Variants in CSMD1 observed in about 807,000 individuals in gnomAD.
CSMD1 encodes CUB and Sushi multiple domains 1, also known as CUB and sushi domain-containing protein 1.
CSMD1 carries 213 observed loss-of-function variants against 417.5 expected under a neutral mutation model. The ratio of observed to expected loss-of-function variants is 0.51; its 90% CI spans 0.46 to 0.57. The LOEUF is 0.57. CSMD1 is among the 20% of genes least tolerant of loss of function. The probability of loss-of-function intolerance (pLI) is 0.00; values close to 1 mark genes in which losing one functional copy is unlikely to be tolerated. For missense variants in CSMD1, 6,923 were observed against 4,529.7 expected, an observed-to-expected ratio of 1.53 and a Z score of -15.17; for synonymous variants, 2,862 against 1,736.8, an observed-to-expected ratio of 1.65 and a Z score of -16.11.
At chr8:4,381,443 G>A (rs765191167) in intron 3 of CSMD1, among the ~76,000 whole-genome samples, 2 of 152,146 alleles carry the variant, frequency 1.3e-5, no homozygotes, top group African/African-American at 4.8e-5. Context: ...AAAGGGGGTG[G>A]GGGCTGGTGC....
At chr8:4,288,340 A>C (rs1420130320) in intron 3 of CSMD1, among the ~76,000 whole-genome samples, 1 of 152,182 alleles carries the variant, frequency 6.6e-6, no homozygotes, top group Middle Eastern at 3.4e-3. Context: ...TCACCCTTCA[A>C]TTTTCTTAAG....
intron 26 of CSMD1, among the ~76,000 whole-genome samples, chr8:3,242,750 T>C (rs568549672): frequency 4.0e-5 from 6 of 148,982 alleles, no homozygotes; most frequent in South Asian, 2.1e-4. Flanking sequence ...AGTAGAGACA[T>C]GGAGGGAAGG....
intron 7 of CSMD1, chr8:3,702,412 AG>A (rs1226633060): frequency 1.3e-5 from 2 of 152,214 alleles, no homozygotes; most frequent in Admixed American, 1.3e-4. Context: ...TTTTGGAGTT[AG>A]AAGGGCATCC....
At chr8:4,458,295 C>G (rs546013993) in intron 2 of CSMD1, among the ~76,000 whole-genome samples, 1 of 152,006 alleles carries the variant, frequency 6.6e-6, no homozygotes, top group East Asian at 1.9e-4. Flanking sequence ...ATATCTTTCT[C>G]CCTCTTTTTT....
At chr8:4,005,187 T>G (rs186713938) in intron 4 of CSMD1, among the ~76,000 whole-genome samples, 1 of 152,092 alleles carries the variant, frequency 6.6e-6, no homozygotes. Context: ...TATGATGCAG[T>G]GCATACTGCA....
chr8:3,712,322 C>G (rs556133903), intron 6 of CSMD1, among the ~76,000 whole-genome samples: 60 of 152,094 alleles, frequency 3.9e-4, no homozygotes, highest in African/African-American at 1.4e-3. Flanking sequence ...TCGCCTCTTC[C>G]TCCCTCCAAC....
chr8:3,060,151 CTTTTT>C (rs34354746), intron 49 of CSMD1, among the ~76,000 whole-genome samples: 3 of 140,080 alleles, frequency 2.1e-5, no homozygotes, highest in Non-Finnish European at 4.6e-5. Context: ...TTACTAACAA[CTTTTT>C]TTTTTTTTTT....
chr8:4,733,011 C>A (rs1269325987), intron 1 of CSMD1, among the ~76,000 whole-genome samples: 1 of 136,426 alleles, frequency 7.3e-6, no homozygotes, highest in Non-Finnish European at 1.6e-5. Context: ...CTTTCATTTG[C>A]ACGGTTTCTT....
chr8:3,734,265 A>G (rs574972367), intron 6 of CSMD1, among the ~76,000 whole-genome samples: 2 of 152,324 alleles, frequency 1.3e-5, no homozygotes, highest in South Asian at 4.1e-4. Flanking sequence ...TCCATGTTTC[A>G]TCTCCCAGTG....
intron 3 of CSMD1, among the ~76,000 whole-genome samples, chr8:4,317,992 A>G (rs932746208): frequency 2.0e-5 from 3 of 152,188 alleles, no homozygotes; most frequent in Non-Finnish European, 4.4e-5. Flanking sequence ...TTGAATAAAT[A>G]TTTGGATATA....
chr8:3,382,507 T>TTATATATATATATATTTATATAAA (rs1554532554), intron 18 of CSMD1, among the ~76,000 whole-genome samples: 2 of 131,610 alleles, frequency 1.5e-5, no homozygotes, highest in Admixed American at 8.5e-5. Context: ...GTATATAAAT[T>TTATATATATATATATTTATATAAA]TATATATATA....
intron 3 of CSMD1, among the ~76,000 whole-genome samples, chr8:4,157,148 G>A (rs927003370): frequency 6.6e-6 from 1 of 152,074 alleles, no homozygotes; most frequent in Admixed American, 6.5e-5. Context: ...ATTTTTAAGT[G>A]GTAGAAGAAA....
intron 3 of CSMD1, among the ~76,000 whole-genome samples, chr8:4,337,935 G>A (rs1432720695): frequency 1.3e-5 from 2 of 152,084 alleles, no homozygotes; most frequent in South Asian, 4.1e-4. Flanking sequence ...ATCATTTAAT[G>A]ATATCGCATT....
chr8:3,606,055 A>G (rs1429253530), intron 8 of CSMD1, among the ~76,000 whole-genome samples: 1 of 152,192 alleles, frequency 6.6e-6, no homozygotes, highest in Non-Finnish European at 1.5e-5. Flanking sequence ...TAATGAGATG[A>G]TAGTAACATA....
chr8:3,280,726 GTAA>G (rs10535459), intron 26 of CSMD1, among the ~76,000 whole-genome samples: 114,001 of 151,758 alleles, frequency 0.75, 43,185 homozygotes, highest in Admixed American at 0.84. Context: ...GTAAAAAATA[GTAA>G]TTGTCATTTC....
At chr8:3,924,958 C>T (rs1809547391) in intron 5 of CSMD1, among the ~76,000 whole-genome samples, 1 of 152,058 alleles carries the variant, frequency 6.6e-6, no homozygotes, top group Admixed American at 6.6e-5. Flanking sequence ...TTCTGCATTG[C>T]TTTCTTAGCA....
intron 3 of CSMD1, among the ~76,000 whole-genome samples, chr8:4,264,352 A>G (rs1804094444): frequency 6.6e-6 from 1 of 152,230 alleles, no homozygotes; most frequent in Non-Finnish European, 1.5e-5. Context: ...TCAGAATAAG[A>G]GCTCCTGTCT....
At position 4,461,833 on chromosome 8, in the gene CSMD1, G is replaced by C. The variant is rs544209903; in HGVS notation, c.303-41768C>G. Reference sequence around the variant, plus strand: ...TCAGCTCACTGCAAGCTCCACCTACGGGGTTCCCGCCATTCTCCTGCCTCA... The same window carrying C: ...TCAGCTCACTGCAAGCTCCACCTACCGGGTTCCCGCCATTCTCCTGCCTCA... On this transcript the variant is annotated intron_variant, in intron 2 of 69. Transcript: ENST00000635120. Among the ~76,000 whole-genome samples the C allele has an allele frequency of 4.0e-4, 60 of 148,898 alleles. 2 individuals are homozygous for C. In the South Asian group the frequency reaches 9.3e-3, roughly 23 times the overall value.
intron 5 of CSMD1, among the ~76,000 whole-genome samples, chr8:3,870,464 A>T (rs1805406845): frequency 6.6e-6 from 1 of 152,146 alleles, no homozygotes; most frequent in South Asian, 2.1e-4. Flanking sequence ...TTTCTCTCAA[A>T]GAAATTATTA....
Sources: allele counts gnomAD v4.1 joint callset (sites outside exome capture counted in the v4.1 genomes callset), GRCh38; gene constraint gnomAD v4.1.1; transcripts MANE v1.5; gene names NCBI Gene and HGNC (gene_info 2026-07-23, HGNC 2026-07-21).